The following DRC8 variants were observed in gnomAD, a reference collection of about 807,000 sequenced individuals.
The protein encoded by DRC8 is dynein regulatory complex subunit 8.
the DRC8 span, among the ~76,000 whole-genome samples, chr1:245,106,123 C>T: frequency 3.9e-5 from 6 of 152,272 alleles, no homozygotes; most frequent in African/African-American, 1.4e-4. Context: ...ATAGGTGGGC[C>T]TTAAAATTGC....
At chr1:244,996,273 G>A in the DRC8 span, among the ~76,000 whole-genome samples, 18 of 152,016 alleles carry the variant, frequency 1.2e-4, no homozygotes, top group Non-Finnish European at 1.3e-4. Context: ...CGCAGGACTC[G>A]TGATAAGAGG....
the DRC8 span, among the ~76,000 whole-genome samples, chr1:244,995,697 T>G: frequency 6.6e-6 from 1 of 152,188 alleles, no homozygotes; most frequent in South Asian, 2.1e-4. Flanking sequence ...GGAAGCACCT[T>G]CAGTGCTTTT....
the DRC8 span, among the ~76,000 whole-genome samples, chr1:244,973,849 G>GA: frequency 6.6e-6 from 1 of 152,056 alleles, no homozygotes; most frequent in Non-Finnish European, 1.5e-5. Context: ...ATATTGATAA[G>GA]AAAAATTACC....
chr1:244,978,360 G>A, the DRC8 span, among the ~76,000 whole-genome samples: 1 of 152,048 alleles, frequency 6.6e-6, no homozygotes, highest in Non-Finnish European at 1.5e-5. Context: ...GGGCATGGTG[G>A]CGCATGCCTG....
the DRC8 span, among the ~76,000 whole-genome samples, chr1:245,009,031 T>A: frequency 1.3e-5 from 1 of 77,466 alleles, no homozygotes. Context: ...TGCTTTTCTT[T>A]TTTTTTTTTT....
chr1:245,024,148 C>T, the DRC8 span, among the ~76,000 whole-genome samples: 2 of 151,828 alleles, frequency 1.3e-5, no homozygotes, highest in Non-Finnish European at 2.9e-5. Flanking sequence ...CCAGCCTGTG[C>T]GGCTGAGCGA....
chr1:244,994,666 G>T, the DRC8 span, among the ~76,000 whole-genome samples: 2 of 152,224 alleles, frequency 1.3e-5, no homozygotes, highest in African/African-American at 4.8e-5. Context: ...CTGACCTCGT[G>T]ATCTGCCGGC....
At chr1:245,121,573 A>C in the DRC8 span, among the ~76,000 whole-genome samples, 3 of 152,228 alleles carry the variant, frequency 2.0e-5, no homozygotes, top group Non-Finnish European at 4.4e-5. Flanking sequence ...TGACTTGATC[A>C]GCCAAGTCCC....
chr1:244,974,856 C>T, the DRC8 span, among the ~76,000 whole-genome samples: 13,965 of 152,082 alleles, frequency 0.092, 814 homozygotes, highest in East Asian at 0.25. Context: ...CCACCATGCC[C>T]GACTAATTTT....
the DRC8 span, among the ~76,000 whole-genome samples, chr1:245,109,855 C>T: frequency 2.0e-5 from 3 of 152,206 alleles, no homozygotes; most frequent in Non-Finnish European, 2.9e-5. Context: ...CTCAGCTCGG[C>T]GGTGGCCTGT....
the DRC8 span, among the ~76,000 whole-genome samples, chr1:244,993,784 G>T: frequency 6.6e-6 from 1 of 152,286 alleles, no homozygotes; most frequent in Non-Finnish European, 1.5e-5. Flanking sequence ...ACTCATTCTT[G>T]TTAAGGAACC....
At chr1:244,991,472 G>A in the DRC8 span, among the ~76,000 whole-genome samples, 3 of 152,028 alleles carry the variant, frequency 2.0e-5, no homozygotes, top group Non-Finnish European at 4.4e-5. Flanking sequence ...GAGGTCACAG[G>A]GTGGGGTCAG....
At chr1:245,047,085 G>A in the DRC8 span, among the ~76,000 whole-genome samples, 1 of 152,174 alleles carries the variant, frequency 6.6e-6, no homozygotes, top group African/African-American at 2.4e-5. Flanking sequence ...GCTTTCATCA[G>A]CCTTCGTGAA....
At chr1:245,032,304 A>T in the DRC8 span, among the ~76,000 whole-genome samples, 1 of 152,192 alleles carries the variant, frequency 6.6e-6, no homozygotes, top group Non-Finnish European at 1.5e-5. Context: ...GCCATGCAGT[A>T]ATGAAACCAG....
chr1:245,094,975 C>T, the DRC8 span, among the ~76,000 whole-genome samples: 1 of 152,162 alleles, frequency 6.6e-6, no homozygotes, highest in Non-Finnish European at 1.5e-5. Context: ...ACCATAAGGA[C>T]AGAAAGCAGG....
At chr1:245,093,638 G>A in the DRC8 span, among the ~76,000 whole-genome samples, 4 of 150,914 alleles carry the variant, frequency 2.7e-5, no homozygotes, top group Non-Finnish European at 5.9e-5. Flanking sequence ...AGAGGTTGCA[G>A]TGAGCCGAGA....
the DRC8 span, chr1:245,087,200 A>G: frequency 1.3e-6 from 2 of 1,591,018 alleles, no homozygotes; most frequent in East Asian, 2.2e-5. Flanking sequence ...AGAGAAAAAA[A>G]TCAGATGATC....
chr1:245,084,907 T>A, the DRC8 span, among the ~76,000 whole-genome samples: 4 of 152,228 alleles, frequency 2.6e-5, no homozygotes, highest in South Asian at 2.1e-4. Flanking sequence ...CTGACGCCAT[T>A]GTTAAAATTA....
At chr1:245,008,275 C>A in the DRC8 span, among the ~76,000 whole-genome samples, 21 of 152,102 alleles carry the variant, frequency 1.4e-4, 1 homozygote, top group Admixed American at 1.3e-3. Flanking sequence ...CTACATGAGG[C>A]TTGATTATTA....
Sources: gnomAD v4.1 joint callset for allele counts (sites outside exome capture counted in the v4.1 genomes callset) on GRCh38, gnomAD v4.1.1 for gene constraint, MANE v1.5 for transcripts, NCBI Gene and HGNC (gene_info 2026-07-23, HGNC 2026-07-21) for gene names.